CPSF4L: variants seen among roughly 807,000 people sequenced by gnomAD.
The protein encoded by CPSF4L is putative cleavage and polyadenylation specificity factor subunit 4-like protein.
A neutral mutation model predicts 24.0 loss-of-function variants in CPSF4L; 18 were observed. The observed-to-expected ratio is 0.75, with a 90% CI of 0.52 to 1.11. The LOEUF is 1.11. CPSF4L is among the 50% of genes least tolerant of loss of function. CPSF4L has a pLI of 0.00. For synonymous variants in CPSF4L, 72 were observed against 77.2 expected (o/e 0.93, Z 0.35); for missense variants, 211 against 221.8 (o/e 0.95, Z 0.31).
chr17:73,248,737 G>A (rs1354922623), intron 5 of CPSF4L: 5 of 558,310 alleles, frequency 9.0e-6, no homozygotes, highest in South Asian at 2.4e-5. Context: ...CACGTGGTCT[G>A]TGTAAGTGGA....
the CPSF4L span, chr17:73,243,093 T>C: frequency 6.1e-6 from 6 of 991,184 alleles, no homozygotes; most frequent in African/African-American, 1.0e-4. Flanking sequence ...TTTTTTTTTT[T>C]TTTTTTTTAC....
upstream of CPSF4L, chr17:73,262,315 A>G (rs2062050438): frequency 1.3e-5 from 2 of 154,202 alleles, no homozygotes; most frequent in African/African-American, 4.8e-5. Flanking sequence ...GCTTCTTCCC[A>G]TGAGGGAAGG....
At chr17:73,248,758 G>A (rs1286994030) in intron 5 of CPSF4L, 5 of 507,480 alleles carry the variant, frequency 9.9e-6, no homozygotes, top group African/African-American at 5.8e-5. Flanking sequence ...TTAACCTCGG[G>A]GCGGCCTTGT....
At chr17:73,254,714 G>C (rs774132706) in intron 3 of CPSF4L, among the ~76,000 whole-genome samples, 1 of 152,166 alleles carries the variant, frequency 6.6e-6, no homozygotes, top group Non-Finnish European at 1.5e-5. Flanking sequence ...CGCAATCTTA[G>C]CTCACTGCAA....
At chr17:73,248,730 G>C (rs916792026) in intron 5 of CPSF4L, 194 bp from the exon 6 acceptor site, 3 of 626,468 alleles carry the variant, frequency 4.8e-6, no homozygotes, top group Non-Finnish European at 8.6e-6. Context: ...TAACTCACAC[G>C]TGGTCTGTGT....
At chr17:73,261,948 G>A, upstream of CPSF4L, 1 of 682,906 alleles carries the variant, frequency 1.5e-6, no homozygotes, top group South Asian at 1.7e-5. Flanking sequence ...CAGTGGCCAG[G>A]TGACTGCAGG....
chr17:73,252,233 T>A (rs2062008752), intron 5 of CPSF4L, among the ~76,000 whole-genome samples: 1 of 152,178 alleles, frequency 6.6e-6, no homozygotes, highest in South Asian at 2.1e-4. Flanking sequence ...AGCCCAGCTC[T>A]CGCCCTCCCA....
chr17:73,244,790 A>G (rs2061920558), downstream of CPSF4L: 1 of 169,734 alleles, frequency 5.9e-6, no homozygotes, highest in South Asian at 1.6e-4. Context: ...GTCCGACAGC[A>G]GGAACAAGGC....
At chr17:73,245,364 G>C (rs758928112), downstream of CPSF4L, 13 of 1,350,454 alleles carry the variant, frequency 9.6e-6, no homozygotes, top group Non-Finnish European at 1.2e-5. Context: ...GGAAGTAAAC[G>C]TATTATTAAT....
At chr17:73,263,669 G>C (rs2062055004), upstream of CPSF4L, among the ~76,000 whole-genome samples, 1 of 150,804 alleles carries the variant, frequency 6.6e-6, no homozygotes, top group Non-Finnish European at 1.5e-5. Context: ...GCCTGCTGGG[G>C]CCAGCTTTGG....
chr17:73,259,609 G>T (rs1411042437), intron 2 of CPSF4L, among the ~76,000 whole-genome samples: 1 of 149,692 alleles, frequency 6.7e-6, no homozygotes, highest in Non-Finnish European at 1.5e-5. Context: ...CTAGGGACTG[G>T]TTGGGCTGAG....
intron 3 of CPSF4L, among the ~76,000 whole-genome samples, chr17:73,255,205 G>T (rs2062020122): frequency 6.6e-6 from 1 of 151,922 alleles, no homozygotes; most frequent in South Asian, 2.1e-4. Flanking sequence ...TCGCCTAAAG[G>T]AAAGTACCCC....
chr17:73,248,247 T>G, downstream of CPSF4L: 1 of 486,686 alleles, frequency 2.1e-6, no homozygotes. Flanking sequence ...ACAAGACTCC[T>G]CAGAACGAAT....
At chr17:73,255,043 G>GA (rs2145278599) in intron 3 of CPSF4L, among the ~76,000 whole-genome samples, 1 of 152,342 alleles carries the variant, frequency 6.6e-6, no homozygotes, top group African/African-American at 2.4e-5. Flanking sequence ...TTCAAGTTGA[G>GA]AACTCATGAA....
rs764632853 is a variant in CPSF4L at position 73,261,726 on chromosome 17, C to A, written c.93G>T (p.Gln31His). ...MQKGTGLLPF[Q>H]GMDKSASAVC... Reference sequence around the variant, plus strand: ...CCCACCCTCACTCACTGTCCATGCCCTGGAAAGGCAGGAGCCCAGTGCCCT... The same window carrying A: ...CCCACCCTCACTCACTGTCCATGCCATGGAAAGGCAGGAGCCCAGTGCCCT... The change falls in exon 1 of 6, where the codon CAG (glutamine) becomes CAT (histidine). Residue 31 changes from glutamine to histidine, a missense_variant. Gln to His is a conservative substitution (Grantham distance 24). Transcript: ENST00000344935. 2 of 1,550,612 alleles carry A rather than the reference C, an allele frequency of 1.3e-6. No individual in the cohort carries two copies. Among genetic ancestry groups the A allele is most frequent in the Non-Finnish European group, 1.7e-6 (2 of 1,145,958 alleles).
At chr17:73,244,311 C>T (rs2145245648), downstream of CPSF4L, among the ~76,000 whole-genome samples, 2 of 152,098 alleles carry the variant, frequency 1.3e-5, no homozygotes, top group Admixed American at 1.3e-4. Flanking sequence ...GCCTGTAATC[C>T]CAGCACTTTG....
At chr17:73,251,138 G>A (rs897978288) in intron 5 of CPSF4L, 7 of 1,511,538 alleles carry the variant, frequency 4.6e-6, no homozygotes, top group Middle Eastern at 1.7e-4. Flanking sequence ...AACACCTACT[G>A]CAGATAGTCC....
At chr17:73,245,124 A>C (rs1410892974), downstream of CPSF4L, 1 of 1,587,236 alleles carries the variant, frequency 6.3e-7, no homozygotes, top group Non-Finnish European at 8.6e-7. Flanking sequence ...CAGTCATTGG[A>C]AGTGGCCTCT....
chr17:73,248,325 A>C, downstream of CPSF4L: 1 of 646,332 alleles, frequency 1.5e-6, no homozygotes, highest in Non-Finnish European at 2.7e-6. Flanking sequence ...GTAACTACTC[A>C]TCTCTTCACA....
Sources: allele counts gnomAD v4.1 joint callset (sites outside exome capture counted in the v4.1 genomes callset), GRCh38; gene constraint gnomAD v4.1.1; transcripts MANE v1.5; gene names NCBI Gene and HGNC (gene_info 2026-07-23, HGNC 2026-07-21).